Variants in SYT1 observed in about 807,000 individuals in gnomAD.
The protein encoded by SYT1 is synaptotagmin 1, also known as synaptotagmin-1.
Under a neutral mutation model 44.8 loss-of-function variants are expected in SYT1, and 8 were observed. That is an observed-to-expected ratio of 0.18 (90% CI 0.10 to 0.32). The LOEUF (loss-of-function observed/expected upper bound fraction) is 0.32. Among genes scored for constraint, SYT1 ranks in the 10% least tolerant of loss-of-function variants. The pLI, the probability that SYT1 is intolerant of heterozygous loss-of-function variation, is 1.00. For synonymous variants in SYT1, 154 were observed against 188.8 expected (o/e 0.82, Z 1.51); for missense variants, 286 against 509.3 (o/e 0.56, Z 4.22).
intron 8 of SYT1, among the ~76,000 whole-genome samples, chr12:79,321,736 A>T (rs1283909923): frequency 6.6e-6 from 1 of 152,224 alleles, no homozygotes; most frequent in Non-Finnish European, 1.5e-5. Context: ...GGATACATTC[A>T]TGGAAAAACT....
rs1023953768 is a variant in SYT1 at position 78,892,903 on chromosome 12, G to A, written c.-217+27794G>A. Among the ~76,000 whole-genome samples, 5 of 151,710 alleles carry A rather than the reference G, an allele frequency of 3.3e-5. No homozygotes were observed. In the East Asian group the frequency reaches 9.7e-4, roughly 29 times the overall value. ...ACTCACTTTCACAGAGAACTTAAGA[G>A]AAACATAAGTCATATTCTTGAATTG... On this transcript the variant is annotated intron_variant, in intron 1 of 10. Transcript: ENST00000261205.
chr12:79,204,365 CTGTT>C (rs1256723082), intron 3 of SYT1, among the ~76,000 whole-genome samples: 1 of 152,182 alleles, frequency 6.6e-6, no homozygotes, highest in African/African-American at 2.4e-5. Context: ...AAAACAATGA[CTGTT>C]TGAACACAGT....
At chr12:79,050,689 T>C (rs1237982117) in intron 3 of SYT1, among the ~76,000 whole-genome samples, 1 of 152,016 alleles carries the variant, frequency 6.6e-6, no homozygotes, top group East Asian at 1.9e-4. Flanking sequence ...AAAACAAATA[T>C]AGCAAGAAGT....
intron 2 of SYT1, chr12:79,045,753 C>T (rs1873999636): frequency 6.6e-6 from 1 of 152,368 alleles, no homozygotes; most frequent in African/African-American, 2.4e-5. Context: ...GAAATCAAAT[C>T]CCCACAGATG....
intron 1 of SYT1, among the ~76,000 whole-genome samples, chr12:78,887,229 G>A (rs1430144641): frequency 1.3e-5 from 2 of 151,908 alleles, no homozygotes; most frequent in Non-Finnish European, 2.9e-5. Context: ...TCATCTCTTT[G>A]TCCAGTATCT....
chr12:79,044,950 GAC>G lies in SYT1; in HGVS notation c.-83-2342_-83-2341del, dbSNP rs1283405177. On this transcript the variant is annotated intron_variant, in intron 2 of 10. Coordinates refer to ENST00000261205, the MANE Select transcript of SYT1 (RefSeq NM_005639.3). ...CCAGTTAGGCCGCTCGGGGGTCAGGGACACACTTGAGGAGGCAGTCTGCCCGT... is the reference window on the plus strand; with the variant it reads ...CCAGTTAGGCCGCTCGGGGGTCAGGGACACTTGAGGAGGCAGTCTGCCCGT... 2.6e-5 allele frequency among the ~76,000 whole-genome samples: 4 copies of G among 152,200 alleles called. No homozygotes were observed. The East Asian group carries it at 7.7e-4, about 29-fold the overall frequency.
At chr12:79,122,840 A>G (rs907824113) in intron 3 of SYT1, among the ~76,000 whole-genome samples, 4 of 152,182 alleles carry the variant, frequency 2.6e-5, no homozygotes, top group Non-Finnish European at 5.9e-5. Context: ...CATATTGCCT[A>G]AGCCTCCAAG....
At chr12:78,879,407 C>T (rs1045907993) in intron 1 of SYT1, among the ~76,000 whole-genome samples, 3 of 151,744 alleles carry the variant, frequency 2.0e-5, no homozygotes, top group Non-Finnish European at 2.9e-5. Flanking sequence ...ATTCCTGACA[C>T]GTAGTGCAAC....
chr12:78,941,811 G>A (rs61929235), intron 1 of SYT1, among the ~76,000 whole-genome samples: 8,940 of 152,208 alleles, frequency 0.059, 280 homozygotes, highest in Admixed American at 0.089. Context: ...AAAACACAAG[G>A]CATCCCAAGT....
intron 9 of SYT1, among the ~76,000 whole-genome samples, chr12:79,418,739 T>A (rs2136150111): frequency 6.6e-6 from 1 of 152,242 alleles, no homozygotes; most frequent in East Asian, 1.9e-4. Context: ...TGTCATGAAC[T>A]TGACAAGAAA....
chr12:79,208,372 C>G (rs551544681), intron 3 of SYT1, among the ~76,000 whole-genome samples: 1 of 152,270 alleles, frequency 6.6e-6, no homozygotes, highest in South Asian at 2.1e-4. Context: ...ATAAAGCTCA[C>G]TAAATTCTCA....
chr12:78,948,584 T>C (rs1366651225), intron 1 of SYT1, among the ~76,000 whole-genome samples: 2 of 151,974 alleles, frequency 1.3e-5, no homozygotes, highest in African/African-American at 2.4e-5. Context: ...CAGATAAAAA[T>C]TTGCATTTAA....
In SYT1 at chr12:79,450,275, G is replaced by T. The variant is rs1250067505; in HGVS notation, c.*1151G>T. ...CAGTATTGTAATCCCATCAAAAGAT[G>T]AAAGAAAAACAAAAACAAAAACCAA... On this transcript the variant is annotated 3_prime_UTR_variant, in exon 11 of 11. Transcript: ENST00000261205. The T allele has an allele frequency of 6.6e-6, 1 of 152,490 alleles. No homozygotes were observed. Among genetic ancestry groups the T allele is most frequent in the African/African-American group, 2.4e-5 (1 of 41,394 alleles). 9.4% of individuals were successfully genotyped at this position (152,490 alleles called of 1,614,324 possible).
chr12:79,116,246 G>A (rs1030784523), intron 3 of SYT1, among the ~76,000 whole-genome samples: 1 of 152,124 alleles, frequency 6.6e-6, no homozygotes, highest in Non-Finnish European at 1.5e-5. Context: ...TATTTTTGTT[G>A]TTCTTAGTAC....
intron 3 of SYT1, among the ~76,000 whole-genome samples, chr12:79,067,857 A>G (rs147834870): frequency 6.6e-6 from 1 of 152,354 alleles, no homozygotes; most frequent in African/African-American, 2.4e-5. Flanking sequence ...AAAGACTCAG[A>G]ATATATTTGT....
chr12:79,117,670 T>TAA, intron 3 of SYT1, among the ~76,000 whole-genome samples: 1 of 37,486 alleles, frequency 2.7e-5, no homozygotes, highest in Non-Finnish European at 5.1e-5. Context: ...ATCATATATA[T>TAA]ATATATATAT....
Position 79,419,382 on chromosome 12 carries a change from C to A in SYT1, c.929-24691C>A, listed in dbSNP as rs976326927. ...CCACTGCACCCTTTCTCCATGAATT[C>A]ATCAGTCATAGTGGTAAGCTCACAG... On this transcript the variant is annotated intron_variant, in intron 9 of 10. Transcript: ENST00000261205. The A allele has an allele frequency of 1.8e-5, 8 of 449,870 alleles. No individual in the cohort carries two copies. In the Admixed American group the frequency reaches 1.9e-4, roughly 11 times the overall value. The allele number at this position is 449,870 out of a possible 1,614,324, so 27.9% of individuals were successfully genotyped here.
intron 8 of SYT1, among the ~76,000 whole-genome samples, chr12:79,309,847 G>A (rs973130339): frequency 1.3e-5 from 2 of 152,186 alleles, no homozygotes; most frequent in African/African-American, 4.8e-5. Context: ...TCAGGAATTA[G>A]TTTGGGGATG....
chr12:79,353,695 C>T (rs1392089286), intron 9 of SYT1, 76 bp downstream of exon 9: 11 of 1,019,132 alleles, frequency 1.1e-5, no homozygotes, highest in South Asian at 5.1e-5. Context: ...GCACATGCTG[C>T]GACTCCCCAC....
Sources: gnomAD v4.1 joint callset for allele counts (sites outside exome capture counted in the v4.1 genomes callset) on GRCh38, gnomAD v4.1.1 for gene constraint, MANE v1.5 for transcripts, NCBI Gene and HGNC (gene_info 2026-07-23, HGNC 2026-07-21) for gene names.